The following AGRN variants were observed in gnomAD, a reference collection of about 807,000 sequenced individuals.
AGRN encodes agrin.
Under a neutral mutation model 211.0 loss-of-function variants are expected in AGRN, and 106 were observed. The observed-to-expected ratio is 0.50, with a 90% CI of 0.43 to 0.59. The LOEUF (loss-of-function observed/expected upper bound fraction) is 0.59, where lower values mean the gene tolerates loss of function less well. Ranked by LOEUF, AGRN falls within the 20% of genes least tolerant of loss-of-function variation. The pLI is 0.00. For synonymous variants in AGRN, 1,525 were observed against 1,332.5 expected, an observed-to-expected ratio of 1.14 and a Z score of -3.15; for missense variants, 3,040 against 2,982.6, an observed-to-expected ratio of 1.02 and a Z score of -0.45.
At position 1,043,435 on chromosome 1, in the gene AGRN, G is replaced by C; in HGVS notation, c.1581G>C (p.Gln527His). 1 of 1,606,972 alleles carries C rather than the reference G, an allele frequency of 6.2e-7. No homozygotes were observed. The highest frequency in any genetic ancestry group is 1.3e-5 in the African/African-American group (1 of 74,986). Residue 527 changes from glutamine (Q) to histidine (H), a missense_variant, in exon 8 of 36, where the codon CAG becomes CAC. Transcript: ENST00000379370. Reference sequence around the variant, plus strand: ...CCTGTACCCTCGGGCGGGAGATCCAGGTGGCGCGCAAAGGACCCTGTGGTC... The same window carrying C: ...CCTGTACCCTCGGGCGGGAGATCCACGTGGCGCGCAAAGGACCCTGTGGTC... ...ATACTLGREIQVARKGPCDRC... is the reference protein window; with the variant it reads ...ATACTLGREIHVARKGPCDRC...
chr1:1,048,552 C>T lies in AGRN; in HGVS notation c.4105+187C>T, dbSNP rs1645169495. ...TTGGGAGGCCGAGGCAGGCGGATCA[C>T]CTGAGGTCGGGAGTTCGAGACCAGC... On this transcript the variant is annotated intron_variant, in intron 23 of 35. Coordinates refer to ENST00000379370, the MANE Select transcript of AGRN (RefSeq NM_198576.4). This position sits in a 1 kb window ranked among gnomAD's most constrained non-coding sequence, Gnocchi z 5.9. 2 of 610,726 alleles carry T rather than the reference C, an allele frequency of 3.3e-6. No individual in the cohort carries two copies. Among genetic ancestry groups the T allele is most frequent in the Admixed American group, 3.2e-5 (1 of 31,292 alleles). 37.8% of individuals were successfully genotyped at this position (610,726 alleles called of 1,614,324 possible). A position where few individuals can be genotyped will look rare whatever the true frequency, so the allele number is the denominator to read the frequency against.
Position 1,040,886 on chromosome 1 carries a change from C to T in AGRN, c.727+6C>T, listed in dbSNP as rs571188886. ...GCTCAGCCGCGGGCCGTGCGGTGAG[C>T]GGGGCGGGGCCGGTGCCTGGGGCGG... On this transcript the variant is annotated splice_donor_region_variant and intron_variant, in intron 4 of 35. Transcript: ENST00000379370. 22 of 1,359,170 alleles carry T rather than the reference C, an allele frequency of 1.6e-5. No homozygotes were observed. The highest frequency in any genetic ancestry group is 1.8e-5 in the Non-Finnish European group (19 of 1,034,442). 84.2% of individuals were successfully genotyped at this position (1,359,170 alleles called of 1,614,324 possible).
At chr1:1,053,019 ATG>A (rs920180160) in intron 33 of AGRN, 2 of 193,450 alleles carry the variant, frequency 1.0e-5, no homozygotes, top group Non-Finnish European at 2.1e-5. Flanking sequence ...ACACGTGTGT[ATG>A]TGTGTGAACA....
At position 1,041,421 on chromosome 1, in the gene AGRN, G is replaced by T. The variant is rs1157217829; in HGVS notation, c.952+24G>T. The T allele has an allele frequency of 2.6e-6, 4 of 1,546,052 alleles. No individual in the cohort carries two copies. The East Asian group carries it at 7.2e-5, about 28-fold the overall frequency. On this transcript the variant is annotated intron_variant, in intron 5 of 35. Transcript: ENST00000379370. ...TGGTGAGCGCGGCGGCGGGCGCACG[G>T]CTCGAGCTCTGTGGGCGCGCGGCGA...
chr1:1,032,135 G>A lies in AGRN; in HGVS notation c.464-3142G>A, dbSNP rs941110620. 6.6e-6 allele frequency among the ~76,000 whole-genome samples: 1 copy of A among 152,218 alleles called. No individual in the cohort carries two copies. Among genetic ancestry groups the A allele is most frequent in the African/African-American group, 2.4e-5 (1 of 41,444 alleles). On this transcript the variant is annotated intron_variant, in intron 2 of 35. Coordinates refer to ENST00000379370, the MANE Select transcript of AGRN (RefSeq NM_198576.4). The surrounding 1 kb of genome is among the most constrained non-coding windows in gnomAD (Gnocchi z 4.7). Reference sequence around the variant, plus strand: ...CCCTGAGGAGAGAGTGAGGCCAGCAGGGGTGGGTCTCCAAGTGCTTCCTTT... The same window carrying A: ...CCCTGAGGAGAGAGTGAGGCCAGCAAGGGTGGGTCTCCAAGTGCTTCCTTT...
chr1:1,047,137 G>A (rs559924492), intron 19 of AGRN, 180 bp downstream of exon 19: 3 of 1,349,800 alleles, frequency 2.2e-6, no homozygotes, highest in African/African-American at 1.5e-5. Context: ...AGCCGGTGTG[G>A]CACACTGCTC....
chr1:1,029,144 G>A (rs1000350944), intron 2 of AGRN, among the ~76,000 whole-genome samples: 1 of 152,092 alleles, frequency 6.6e-6, no homozygotes, highest in African/African-American at 2.4e-5. Flanking sequence ...AGCCCCTCTG[G>A]GGCCTGCCAA....
At chr1:1,049,833 G>A (rs370103820) in intron 26 of AGRN, 38 bp downstream of exon 26, 177 of 1,609,884 alleles carry the variant, frequency 1.1e-4, no homozygotes, top group Middle Eastern at 6.6e-4. Context: ...GTGGGACCCC[G>A]GGGCCTGTGG....
intron 3 of AGRN, among the ~76,000 whole-genome samples, chr1:1,036,192 C>A (rs1029954504): frequency 6.6e-6 from 1 of 152,174 alleles, no homozygotes; most frequent in South Asian, 2.1e-4. Flanking sequence ...CTGAAGTGAT[C>A]TGAAGACAGA....
chr1:1,040,923 G>A, intron 4 of AGRN, 43 bp downstream of exon 4: 3 of 1,360,128 alleles, frequency 2.2e-6, no homozygotes, highest in Non-Finnish European at 2.8e-6. Flanking sequence ...GAGGGGCGGG[G>A]CCTATGAGAT....
rs528852084 is a variant in AGRN at position 1,050,860 on chromosome 1, G to A, written c.5253+23G>A. ...CCGGTGAGTGCTCTGGGCCGCGAGG[G>A]GACTCCCGCTGCTGCCTGCTCTTCC... On this transcript the variant is annotated intron_variant, in intron 30 of 35. Transcript: ENST00000379370. 5.5e-5 allele frequency: 84 copies of A among 1,536,426 alleles called. No homozygotes were observed. The South Asian group carries it at 9.2e-4, about 17-fold the overall frequency.
Position 1,044,115 on chromosome 1 carries a change from G to A in AGRN, c.2006G>A (p.Cys669Tyr), listed in dbSNP as rs1196333702. Residue 669 changes from cysteine (C) to tyrosine (Y), a missense_variant, in exon 11 of 36, where the codon TGC (cysteine) becomes TAC (tyrosine). Physicochemically the swap from Cys to Tyr is radical, Grantham distance 194. Transcript: ENST00000379370. The stretch of plus-strand genomic sequence containing the variant: ...CTGCTCCCCTTCCCCGCAGCCGAGT[G>A]CGGTTCCGGAGGCTCTGGCTCTGGG... The part of the protein sequence containing the change: ...ARAGPCEQAE[C>Y]GSGGSGSGED... 6.2e-7 allele frequency: 1 copy of A among 1,613,188 alleles called. No individual in the cohort carries two copies. Among genetic ancestry groups the A allele is most frequent in the African/African-American group, 1.3e-5 (1 of 74,930 alleles).
chr1:1,043,916 T>C lies in AGRN; in HGVS notation c.1892T>C (p.Val631Ala), dbSNP rs1326065265. ...TGTGAGCACCCCCCGCCCGGCCCCGTGTGTGGCAGCGACGGTGTCACCTAC... is the reference window on the plus strand; with the variant it reads ...TGTGAGCACCCCCCGCCCGGCCCCGCGTGTGGCAGCGACGGTGTCACCTAC... ...PRCEHPPPGP[V>A]CGSDGVTYGS... The change falls in exon 10 of 36, where the codon GTG (valine) becomes GCG (alanine). Residue 631 changes from valine (V) to alanine (A), a missense_variant. Physicochemically the swap from Val to Ala is moderately conservative, Grantham distance 64. Coordinates refer to ENST00000379370, the MANE Select transcript of AGRN (RefSeq NM_198576.4). 6.2e-7 allele frequency: 1 copy of C among 1,610,164 alleles called. No individual in the cohort carries two copies. The highest frequency in any genetic ancestry group is 8.5e-7 in the Non-Finnish European group (1 of 1,179,668).
At chr1:1,051,141 G>A (rs1177318813) in intron 30 of AGRN, 112 bp from the exon 31 acceptor site, 32 of 1,499,962 alleles carry the variant, frequency 2.1e-5, no homozygotes, top group East Asian at 9.9e-5. Context: ...TGTGATTAAC[G>A]CTGCCCCCTA....
At chr1:1,039,104 G>A (rs756727796) in intron 3 of AGRN, among the ~76,000 whole-genome samples, 3 of 152,238 alleles carry the variant, frequency 2.0e-5, no homozygotes, top group Non-Finnish European at 4.4e-5. Context: ...GGATACTGAG[G>A]CCCAGGCAGG....
At position 1,048,404 on chromosome 1, in the gene AGRN, A is replaced by C; in HGVS notation, c.4105+39A>C. ...CTGCAGAGGAGGGCGGGGAGGCAGC[A>C]GGGTGGGGGCAAGGATTGGGGGTGG... is the stretch of plus-strand genomic sequence containing the variant. On this transcript the variant is annotated intron_variant, in intron 23 of 35. Coordinates refer to ENST00000379370, the MANE Select transcript of AGRN (RefSeq NM_198576.4). The surrounding 1 kb of genome is among the most constrained non-coding windows in gnomAD (Gnocchi z 5.9). 1 of 770,452 alleles carries C rather than the reference A, an allele frequency of 1.3e-6. No individual in the cohort carries two copies. Among genetic ancestry groups the C allele is most frequent in the Non-Finnish European group, 2.0e-6 (1 of 493,676 alleles). The allele number at this position is 770,452 out of a possible 1,614,324, so 47.7% of individuals were successfully genotyped here.
In AGRN at chr1:1,047,813, G is replaced by A. The variant is rs767569657; in HGVS notation, c.3669G>A (p.Leu1223=). Residue 1223 remains leucine (L), a synonymous_variant, in exon 22 of 36, where the codon CTG becomes CTA. Transcript: ENST00000379370. The part of the protein sequence containing the change: ...AFRAPDVARA[L]LRQIQVSRRR... ...GGGCACCCGACGTGGCCCGGGCCCT[G>A]CTCCGGCAGATCCAGGTGTCCAGGC... The A allele has an allele frequency of 6.9e-6, 11 of 1,603,358 alleles. No homozygotes were observed. The South Asian group carries it at 8.9e-5, about 13-fold the overall frequency.
chr1:1,020,196 C>A lies in AGRN; in HGVS notation c.24C>A (p.Gly8=). The A allele has an allele frequency of 1.5e-6, 2 of 1,361,786 alleles. No homozygotes were observed. The highest frequency in any genetic ancestry group is 1.7e-5 in the South Asian group (1 of 58,054). The allele number at this position is 1,361,786 out of a possible 1,614,324, so 84.4% of individuals were successfully genotyped here. ...CCATGGCCGGCCGGTCCCACCCGGGCCCGCTGCGGCCGCTGCTGCCGCTCC... is the reference window on the plus strand; with the variant it reads ...CCATGGCCGGCCGGTCCCACCCGGGACCGCTGCGGCCGCTGCTGCCGCTCC... The part of the protein sequence containing the change: MAGRSHP[G]PLRPLLPLLV... The change falls in exon 1 of 36, where the codon GGC becomes GGA. Residue 8 remains glycine (G), a synonymous_variant. Coordinates refer to ENST00000379370, the MANE Select transcript of AGRN (RefSeq NM_198576.4).
intron 29 of AGRN, 28 bp downstream of exon 29, chr1:1,050,619 G>A: frequency 6.2e-7 from 1 of 1,605,476 alleles, no homozygotes; most frequent in African/African-American, 1.3e-5. Flanking sequence ...GCTCTGGGAG[G>A]CCTGGGGCAC....
Sources: allele counts gnomAD v4.1 joint callset (sites outside exome capture counted in the v4.1 genomes callset), GRCh38; gene constraint gnomAD v4.1.1; non-coding constraint Gnocchi (gnomAD v3.1); transcripts MANE v1.5; gene names NCBI Gene and HGNC (gene_info 2026-07-23, HGNC 2026-07-21).